The following ZNF41 variants were observed in gnomAD, a reference collection of about 807,000 sequenced individuals.
ZNF41 encodes the protein zinc finger protein 41.
ZNF41 carries 6 observed loss-of-function variants against 9.3 expected under a neutral mutation model. That is an observed-to-expected ratio of 0.65 (90% CI 0.35 to 1.28). The LOEUF (loss-of-function observed/expected upper bound fraction) is 1.28, where lower values mean the gene tolerates loss of function less well. Ranked by LOEUF, ZNF41 falls within the 50% of genes most tolerant of loss-of-function variation. The pLI is 0.03. For missense variants in ZNF41, 523 were observed against 585.8 expected (o/e 0.89, Z 1.11); for synonymous variants, 192 against 207.1 (o/e 0.93, Z 0.63).
Position 47,467,282 on chromosome X carries a change from C to G in ZNF41, c.72+128G>C, listed in dbSNP as rs774341538. 3.5e-6 allele frequency: 4 copies of G among 1,154,374 alleles called. No individual in the cohort carries two copies. In the East Asian group the frequency reaches 1.3e-4, roughly 38 times the overall value. On this transcript the variant is annotated intron_variant, in intron 2 of 4. Transcript: ENST00000684689. ...TCAGCAAGAGGACCCTGATCTGTCT[C>G]CAGGGTGGCAGGTCCGGAATCTGCC... is the stretch of plus-strand genomic sequence containing the variant.
In ZNF41 at chrX:47,448,898, C is replaced by A. The variant is rs780786840; in HGVS notation, c.872G>T (p.Arg291Ile). The change falls in exon 5 of 5, where the codon AGA becomes ATA. Residue 291 changes from arginine (R) to isoleucine (I), a missense_variant. Arg to Ile is a moderately conservative substitution (Grantham distance 97). Transcript: ENST00000684689. Reference sequence around the variant, plus strand: ...ACGGGACTTTTCTCCAGCATGAATTCTCTGATGCTCAAACAGATGTGACTT... The same window carrying A: ...ACGGGACTTTTCTCCAGCATGAATTATCTGATGCTCAAACAGATGTGACTT... ...TQKSHLFEHQ[R>I]IHAGEKSREC... is the part of the protein sequence containing the mutation. 1.7e-6 allele frequency: 2 copies of A among 1,211,521 alleles called. No homozygotes were observed. Among genetic ancestry groups the A allele is most frequent in the African/African-American group, 3.5e-5 (2 of 57,693 alleles).
At chrX:47,467,276 C>T in intron 2 of ZNF41, 134 bp downstream of exon 2, 1 of 1,150,980 alleles carries the variant, frequency 8.7e-7, no homozygotes, top group East Asian at 3.3e-5. Flanking sequence ...GGACCCTGAT[C>T]TGTCTCCAGG....
intron 1 of ZNF41, among the ~76,000 whole-genome samples, chrX:47,469,183 C>G (rs1000328433): frequency 9.8e-6 from 1 of 101,687 alleles, no homozygotes; most frequent in Admixed American, 1.1e-4. Context: ...TAGTGGCGGG[C>G]GCCTGTAGTC....
chrX:47,468,778 C>T (rs1439536304), intron 1 of ZNF41, among the ~76,000 whole-genome samples: 1 of 111,485 alleles, frequency 9.0e-6, no homozygotes, highest in Non-Finnish European at 1.9e-5. Flanking sequence ...CACCTTAGCA[C>T]CCCAATCAAT....
rs948233666 is a variant in ZNF41, at chrX:47,483,195, G to A, written c.-380C>T. 8.9e-6 allele frequency among the ~76,000 whole-genome samples: 1 copy of A among 112,049 alleles called. No homozygotes were observed. The highest frequency in any genetic ancestry group is 3.2e-5 in the African/African-American group (1 of 30,819). ...CCGAACCTGTGCAGTTGCCGCGGGGGGAGTCGTGCGTGTCAGATTTAGGCC... is the reference window on the plus strand; with the variant it reads ...CCGAACCTGTGCAGTTGCCGCGGGGAGAGTCGTGCGTGTCAGATTTAGGCC... On this transcript the variant is annotated 5_prime_UTR_variant, in exon 1 of 5. Transcript: ENST00000684689.
chrX:47,462,945 ATACACACACACACACACACACATATGTG>A lies in ZNF41; in HGVS notation c.72+4437_72+4464del, dbSNP rs1358898158. Among the ~76,000 whole-genome samples, 359 of 66,632 alleles carry A rather than the reference ATACACACACACACACACACACATATGTG, an allele frequency of 5.4e-3. 1 individual carries two copies. The highest frequency in any genetic ancestry group is 0.011 in the Non-Finnish European group (302 of 28,673). The allele number at this position is 66,632 out of a possible 115,157, so 57.9% of individuals were successfully genotyped here. A position where few individuals can be genotyped will look rare whatever the true frequency, so the allele number is the denominator to read the frequency against. Reference sequence around the variant, plus strand: ...ATATATATCACACACATATATATATATACACACACACACACACACACATATGTGTACACACACACACACACACATACAC... The same window carrying A: ...ATATATATCACACACATATATATATATACACACACACACACACACATACAC... On this transcript the variant is annotated intron_variant, in intron 2 of 4. Coordinates refer to ENST00000684689, the MANE Select transcript of ZNF41 (RefSeq NM_001324144.2).
Position 47,446,136 on chromosome X carries a change from T to A in ZNF41, c.*1294A>T, listed in dbSNP as rs932129036. 7 of 111,579 alleles carry A rather than the reference T, an allele frequency of 6.3e-5. No individual in the cohort carries two copies. Among genetic ancestry groups the A allele is most frequent in the African/African-American group, 2.3e-4 (7 of 30,769 alleles). The allele number at this position is 111,579 out of a possible 1,213,427, so 9.2% of individuals were successfully genotyped here. A position where few individuals can be genotyped will look rare whatever the true frequency, so the allele number is the denominator to read the frequency against. On this transcript the variant is annotated 3_prime_UTR_variant, in exon 5 of 5. Transcript: ENST00000684689. Reference sequence around the variant, plus strand: ...ACATTATAGTTTAATAAAAAGATTTTAAAATAAAATAAAAATACAATTGCA... The same window carrying A: ...ACATTATAGTTTAATAAAAAGATTTAAAAATAAAATAAAAATACAATTGCA...
intron 1 of ZNF41, among the ~76,000 whole-genome samples, chrX:47,477,721 T>C (rs2147840873): frequency 8.9e-6 from 1 of 112,103 alleles, no homozygotes; most frequent in South Asian, 3.7e-4. Flanking sequence ...TAAATAAATC[T>C]GTACACTTTT....
chrX:47,446,342 T>TATA lies in ZNF41; in HGVS notation c.*1087_*1088insTAT, dbSNP rs763094564. On this transcript the variant is annotated 3_prime_UTR_variant, in exon 5 of 5. Coordinates refer to ENST00000684689, the MANE Select transcript of ZNF41 (RefSeq NM_001324144.2). ...AACTAATTGCAATGCAACATGACTT[T>TATA]ATCACATAGCAGTCTACACAAAACT... is the stretch of plus-strand genomic sequence containing the variant. 7 of 111,664 alleles carry TATA rather than the reference T, an allele frequency of 6.3e-5. No homozygotes were observed. In the South Asian group the frequency reaches 2.6e-3, roughly 42 times the overall value. 9.2% of individuals were successfully genotyped at this position (111,664 alleles called of 1,213,427 possible).
chrX:47,471,973 A>G (rs1385343535), intron 1 of ZNF41, among the ~76,000 whole-genome samples: 1 of 111,990 alleles, frequency 8.9e-6, no homozygotes, highest in African/African-American at 3.2e-5. Flanking sequence ...GAAATTGCCA[A>G]AATGAAAAAG....
intron 4 of ZNF41, among the ~76,000 whole-genome samples, chrX:47,450,399 C>T (rs982194135): frequency 6.4e-5 from 7 of 110,091 alleles, no homozygotes; most frequent in Non-Finnish European, 1.1e-4. Context: ...TTAGTAGAGA[C>T]GGGGTTACAC....
rs368268713 is a variant in ZNF41 at position 47,447,381 on chromosome X, A to G, written c.*49T>C. ...GCAACAGGCCTTCCTCCTCCCTGCT[A>G]TTAGATACCTGATGCATACCCAGTT... On this transcript the variant is annotated 3_prime_UTR_variant, in exon 5 of 5. Coordinates refer to ENST00000684689, the MANE Select transcript of ZNF41 (RefSeq NM_001324144.2). 359 of 1,199,448 alleles carry G rather than the reference A, an allele frequency of 3.0e-4. No homozygotes were observed. Among genetic ancestry groups the G allele is most frequent in the Non-Finnish European group, 3.7e-4 (333 of 891,160 alleles).
At chrX:47,468,931 C>G (rs1274453923) in intron 1 of ZNF41, among the ~76,000 whole-genome samples, 4 of 111,655 alleles carry the variant, frequency 3.6e-5, no homozygotes, top group African/African-American at 9.8e-5. Context: ...TAGAAGAAAA[C>G]TCTACAAATC....
intron 1 of ZNF41, among the ~76,000 whole-genome samples, chrX:47,470,727 CAA>C (rs11352103): frequency 9.4e-4 from 78 of 83,034 alleles, no homozygotes; most frequent in Non-Finnish European, 1.0e-3. Flanking sequence ...GACTCTATTT[CAA>C]AAAAAAAAAA....
chrX:47,467,356 A>C, intron 2 of ZNF41, 54 bp downstream of exon 2: 1 of 1,168,991 alleles, frequency 8.6e-7, no homozygotes, highest in Non-Finnish European at 1.1e-6. Context: ...GGGACAGGTC[A>C]GGGTATCTCT....
chrX:47,466,117 T>A lies in ZNF41; in HGVS notation c.72+1293A>T, dbSNP rs183540764. Among the ~76,000 whole-genome samples, 19 of 111,800 alleles carry A rather than the reference T, an allele frequency of 1.7e-4. 1 individual carries two copies. Among genetic ancestry groups the A allele is most frequent in the African/African-American group, 5.8e-4 (18 of 30,812 alleles). Reference sequence around the variant, plus strand: ...AACACTGGTTAACTTTGGGTAATGTTGGAACGACAAGTAATTTTTTAGTTT... The same window carrying A: ...AACACTGGTTAACTTTGGGTAATGTAGGAACGACAAGTAATTTTTTAGTTT... On this transcript the variant is annotated intron_variant, in intron 2 of 4. Coordinates refer to ENST00000684689, the MANE Select transcript of ZNF41 (RefSeq NM_001324144.2).
Position 47,470,727 on chromosome X carries a change from C to CA in ZNF41, c.-279-2968dup, listed in dbSNP as rs11352103. 1.5e-3 allele frequency among the ~76,000 whole-genome samples: 125 copies of CA among 83,132 alleles called. 1 individual carries two copies. The highest frequency in any genetic ancestry group is 0.013 in the Middle Eastern group (2 of 160). The allele number at this position is 83,132 out of a possible 115,157, so 72.2% of individuals were successfully genotyped here. On this transcript the variant is annotated intron_variant, in intron 1 of 4. Transcript: ENST00000684689. ...GGGGGGACAGAGTGAGACTCTATTT[C>CA]AAAAAAAAAAAAAATAGTAAACAAA...
At chrX:47,466,368 A>G (rs1243215814) in intron 2 of ZNF41, among the ~76,000 whole-genome samples, 3 of 110,283 alleles carry the variant, frequency 2.7e-5, no homozygotes, top group Non-Finnish European at 3.8e-5. Context: ...TAGAATCTCA[A>G]TGGGAACTCT....
rs185405082 is a variant in ZNF41 at position 47,454,129 on chromosome X, C to T, written c.295+1792G>A. On this transcript the variant is annotated intron_variant, in intron 4 of 4. Coordinates refer to ENST00000684689, the MANE Select transcript of ZNF41 (RefSeq NM_001324144.2). ...CAGGAGAAAAGGTCCCTAGGGAAAC[C>T]TTGCTTATGGGGAAAATGAGGAAGA... Among the ~76,000 whole-genome samples the T allele has an allele frequency of 1.4e-3, 151 of 110,268 alleles. 1 individual carries two copies. The highest frequency in any genetic ancestry group is 7.9e-3 in the Admixed American group (81 of 10,246).
Sources: allele counts gnomAD v4.1 joint callset (sites outside exome capture counted in the v4.1 genomes callset), GRCh38; gene constraint gnomAD v4.1.1; transcripts MANE v1.5; gene names NCBI Gene and HGNC (gene_info 2026-07-23, HGNC 2026-07-21).